Variants in HYCC2 observed in about 807,000 individuals in gnomAD.
HYCC2 encodes the protein hyccin PI4KA lipid kinase complex subunit 2.
the HYCC2 span, among the ~76,000 whole-genome samples, chr2:201,069,679 A>G: frequency 6.6e-6 from 1 of 152,158 alleles, no homozygotes; most frequent in Non-Finnish European, 1.5e-5. Context: ...AAATAGAACC[A>G]GAAATTTTCT....
the HYCC2 span, among the ~76,000 whole-genome samples, chr2:200,983,201 A>G: frequency 8.9e-4 from 136 of 152,360 alleles, no homozygotes; most frequent in African/African-American, 3.2e-3. Flanking sequence ...GCTTCTTTCA[A>G]TAACTCATAT....
the HYCC2 span, among the ~76,000 whole-genome samples, chr2:201,044,599 T>C: frequency 6.6e-6 from 1 of 152,314 alleles, no homozygotes; most frequent in Non-Finnish European, 1.5e-5. Context: ...ATGAGAATAA[T>C]GCATGTCGCT....
At chr2:201,010,408 C>T in the HYCC2 span, among the ~76,000 whole-genome samples, 33 of 152,246 alleles carry the variant, frequency 2.2e-4, no homozygotes, top group East Asian at 1.9e-3. Flanking sequence ...GTTATCCTCA[C>T]GACTTAGTGT....
chr2:201,043,445 A>AG, the HYCC2 span, among the ~76,000 whole-genome samples: 1 of 150,758 alleles, frequency 6.6e-6, no homozygotes, highest in Non-Finnish European at 1.5e-5. Flanking sequence ...AAAAAAAAAA[A>AG]AAAAGAAAGA....
chr2:200,999,585 T>C, the HYCC2 span, among the ~76,000 whole-genome samples: 1 of 151,422 alleles, frequency 6.6e-6, no homozygotes, highest in Non-Finnish European at 1.5e-5. Context: ...CGACAGGGTT[T>C]CACTATTTTG....
At chr2:201,041,862 A>G in the HYCC2 span, among the ~76,000 whole-genome samples, 3 of 152,234 alleles carry the variant, frequency 2.0e-5, no homozygotes, top group East Asian at 5.8e-4. Context: ...TCAGTTTCCT[A>G]CAATGATTAG....
chr2:201,000,290 G>A, the HYCC2 span, among the ~76,000 whole-genome samples: 2 of 150,018 alleles, frequency 1.3e-5, no homozygotes, highest in South Asian at 2.1e-4. Context: ...TTGAGCTCAG[G>A]AGGAGCACCT....
the HYCC2 span, chr2:200,977,979 C>CATGG: frequency 6.6e-6 from 1 of 152,200 alleles, no homozygotes; most frequent in Non-Finnish European, 1.5e-5. Context: ...ACTTGGCATA[C>CATGG]ATGGCACCAA....
At chr2:200,983,840 TC>T in the HYCC2 span, among the ~76,000 whole-genome samples, 2 of 152,096 alleles carry the variant, frequency 1.3e-5, no homozygotes. Context: ...AGTGCTAGCT[TC>T]TGAATCTTGC....
At chr2:200,992,917 A>G in the HYCC2 span, 2 of 1,612,780 alleles carry the variant, frequency 1.2e-6, no homozygotes, top group South Asian at 2.2e-5. Flanking sequence ...GAGAAGTTGC[A>G]CCATAAATTC....
chr2:200,992,318 T>A, the HYCC2 span: 1 of 1,612,440 alleles, frequency 6.2e-7, no homozygotes, highest in Non-Finnish European at 8.5e-7. Context: ...CTGGGCTCTA[T>A]AAATGATATC....
chr2:200,990,658 C>T, the HYCC2 span, among the ~76,000 whole-genome samples: 1 of 152,058 alleles, frequency 6.6e-6, no homozygotes, highest in Admixed American at 6.6e-5. Context: ...CTGCAACCTC[C>T]ACCTCCCGGG....
At chr2:200,982,663 G>C in the HYCC2 span, among the ~76,000 whole-genome samples, 1 of 152,204 alleles carries the variant, frequency 6.6e-6, no homozygotes, top group East Asian at 1.9e-4. Flanking sequence ...CTATATTTTA[G>C]ATTCTTAGTA....
At chr2:201,009,313 A>C in the HYCC2 span, 4 of 371,210 alleles carry the variant, frequency 1.1e-5, no homozygotes, top group East Asian at 2.0e-4. Context: ...CATTTTTTAA[A>C]AGTCATGTAA....
the HYCC2 span, among the ~76,000 whole-genome samples, chr2:201,007,823 C>A: frequency 1.3e-5 from 2 of 152,072 alleles, no homozygotes; most frequent in Non-Finnish European, 2.9e-5. Context: ...ATCATGCCTA[C>A]ATAATGATGC....
At chr2:201,064,812 C>T in the HYCC2 span, among the ~76,000 whole-genome samples, 1 of 152,142 alleles carries the variant, frequency 6.6e-6, no homozygotes, top group African/African-American at 2.4e-5. Context: ...TTCTTAAAAA[C>T]TTTTAATTTT....
the HYCC2 span, among the ~76,000 whole-genome samples, chr2:201,038,004 G>A: frequency 6.6e-6 from 1 of 152,056 alleles, no homozygotes; most frequent in Non-Finnish European, 1.5e-5. Flanking sequence ...CTGACAAAGG[G>A]CTAATATCCA....
the HYCC2 span, among the ~76,000 whole-genome samples, chr2:201,004,885 C>T: frequency 6.6e-6 from 1 of 151,856 alleles, no homozygotes; most frequent in Non-Finnish European, 1.5e-5. Flanking sequence ...GGCATGGTGG[C>T]GGGCGCCTGT....
chr2:201,055,981 G>A, the HYCC2 span, among the ~76,000 whole-genome samples: 1 of 152,128 alleles, frequency 6.6e-6, no homozygotes. Context: ...AAGGTCAGGA[G>A]ATCGAGACCA....
Sources: allele counts gnomAD v4.1 joint callset (sites outside exome capture counted in the v4.1 genomes callset), GRCh38; gene constraint gnomAD v4.1.1; transcripts MANE v1.5; gene names NCBI Gene and HGNC (gene_info 2026-07-23, HGNC 2026-07-21).